TLK1: variants seen among roughly 807,000 people sequenced by gnomAD.
TLK1 encodes serine/threonine-protein kinase tousled-like 1.
In TLK1, 24 loss-of-function variants were observed where a neutral mutation model predicts 105.3. The observed-to-expected ratio is 0.23, with a 90% CI of 0.17 to 0.32. The LOEUF is 0.32. Ranked by LOEUF, TLK1 falls within the 10% of genes least tolerant of loss-of-function variation. The pLI, the probability that TLK1 is intolerant of heterozygous loss-of-function variation, is 1.00. For synonymous variants in TLK1, 321 were observed against 310.4 expected, an observed-to-expected ratio of 1.03 and a Z score of -0.36; for missense variants, 558 against 910.5, an observed-to-expected ratio of 0.61 and a Z score of 4.98.
chr2:171,046,109 C>T, intron 11 of TLK1, 65 bp downstream of exon 11: 2 of 1,287,716 alleles, frequency 1.6e-6, no homozygotes, highest in East Asian at 2.5e-5. Flanking sequence ...AAATAACATC[C>T]ATTAGTAACA....
chr2:171,090,692 T>G (rs751297934), intron 2 of TLK1, among the ~76,000 whole-genome samples: 6 of 152,222 alleles, frequency 3.9e-5, no homozygotes, highest in Admixed American at 2.0e-4. Context: ...TATTTCCCCA[T>G]AGATAAGCAC....
At chr2:171,090,150 G>A (rs1442145875) in intron 2 of TLK1, among the ~76,000 whole-genome samples, 1 of 152,018 alleles carries the variant, frequency 6.6e-6, no homozygotes, top group African/African-American at 2.4e-5. Context: ...CAGTGAAGAT[G>A]TCTTGAGTAT....
intron 10 of TLK1, among the ~76,000 whole-genome samples, chr2:171,048,537 G>A (rs1687068127): frequency 1.3e-5 from 1 of 76,468 alleles, no homozygotes; most frequent in Non-Finnish European, 3.2e-5. Flanking sequence ...ATTACCATCA[G>A]TTATTATTCT....
chr2:171,056,378 A>T, intron 6 of TLK1, 93 bp downstream of exon 6: 1 of 906,820 alleles, frequency 1.1e-6, no homozygotes, highest in Non-Finnish European at 1.7e-6. Context: ...ATTTATATAG[A>T]AGTTCTCAAT....
chr2:171,081,311 C>T (rs1688742725), intron 3 of TLK1, among the ~76,000 whole-genome samples: 3 of 152,200 alleles, frequency 2.0e-5, no homozygotes, highest in South Asian at 4.1e-4. Flanking sequence ...ATCTAACTTT[C>T]ACCATGTTTT....
intron 12 of TLK1, among the ~76,000 whole-genome samples, chr2:171,027,232 T>C (rs1250838936): frequency 6.6e-6 from 1 of 152,132 alleles, no homozygotes; most frequent in Non-Finnish European, 1.5e-5. Context: ...CTCCAATTAG[T>C]TCACTCCTTC....
intron 1 of TLK1, among the ~76,000 whole-genome samples, chr2:171,149,687 GT>G (rs1314050107): frequency 1.3e-5 from 2 of 152,150 alleles, no homozygotes; most frequent in Non-Finnish European, 2.9e-5. Flanking sequence ...AGGAGGACTG[GT>G]TGAGCCCAGG....
At chr2:171,218,634 G>T (rs375546404) in intron 1 of TLK1, among the ~76,000 whole-genome samples, 1 of 152,194 alleles carries the variant, frequency 6.6e-6, no homozygotes, top group East Asian at 1.9e-4. Flanking sequence ...TGTCTGGCAA[G>T]GGCTGCTCTC....
At chr2:171,075,414 T>C (rs923464512) in intron 3 of TLK1, among the ~76,000 whole-genome samples, 2 of 152,110 alleles carry the variant, frequency 1.3e-5, no homozygotes, top group Non-Finnish European at 2.9e-5. Context: ...CCATGAAAAA[T>C]GGTGGAAAAC....
intron 1 of TLK1, among the ~76,000 whole-genome samples, chr2:171,150,948 G>C (rs1396885536): frequency 2.6e-5 from 4 of 152,070 alleles, no homozygotes; most frequent in East Asian, 1.9e-4. Flanking sequence ...ACAGAATAGT[G>C]TAACTGTTAA....
chr2:170,996,626 C>T, intron 20 of TLK1, 27 bp downstream of exon 20: 9 of 1,585,876 alleles, frequency 5.7e-6, no homozygotes, highest in Non-Finnish European at 6.9e-6. Context: ...AGTTACTTCA[C>T]AAAACTCATT....
intron 6 of TLK1, among the ~76,000 whole-genome samples, chr2:171,056,057 T>C (rs562504722): frequency 7.9e-5 from 12 of 152,176 alleles, no homozygotes; most frequent in Admixed American, 2.0e-4. Context: ...CTGAACTACA[T>C]ACCCTGCCTT....
Position 170,992,393 on chromosome 2 carries a change from A to G in TLK1, c.*1387T>C, listed in dbSNP as rs1389825670. The G allele has an allele frequency of 1.3e-5, 2 of 152,574 alleles. No homozygotes were observed. Among genetic ancestry groups the G allele is most frequent in the Non-Finnish European group, 2.9e-5 (2 of 68,004 alleles). The allele number at this position is 152,574 out of a possible 1,614,324, so 9.5% of individuals were successfully genotyped here. ...GTATCAGCATTATGAATGTGACAAT[A>G]AAGAAAAAGTCCTTACAGGAGTGAA... On this transcript the variant is annotated 3_prime_UTR_variant, in exon 21 of 21. Transcript: ENST00000431350.
At chr2:171,156,195 C>T (rs542571962) in intron 1 of TLK1, among the ~76,000 whole-genome samples, 1 of 152,334 alleles carries the variant, frequency 6.6e-6, no homozygotes, top group South Asian at 2.1e-4. Flanking sequence ...ATTCTCTTCA[C>T]ATATCTCAAC....
intron 1 of TLK1, among the ~76,000 whole-genome samples, chr2:171,122,456 C>T (rs1423290666): frequency 1.3e-5 from 2 of 152,030 alleles, no homozygotes; most frequent in Admixed American, 6.6e-5. Context: ...CTCCACAAAC[C>T]GACCACACCA....
intron 1 of TLK1, among the ~76,000 whole-genome samples, chr2:171,134,625 T>C (rs1333584608): frequency 6.6e-6 from 1 of 151,378 alleles, no homozygotes; most frequent in Non-Finnish European, 1.5e-5. Flanking sequence ...TGCAGCACTA[T>C]TCACAATAGC....
At chr2:171,217,847 G>C (rs1693742090) in intron 1 of TLK1, among the ~76,000 whole-genome samples, 1 of 152,208 alleles carries the variant, frequency 6.6e-6, no homozygotes. Flanking sequence ...AAAATTGTTT[G>C]TGTACATTTA....
intron 3 of TLK1, among the ~76,000 whole-genome samples, chr2:171,065,277 G>C (rs1687934588): frequency 6.6e-6 from 1 of 152,144 alleles, no homozygotes; most frequent in Non-Finnish European, 1.5e-5. Context: ...GGATATTAAA[G>C]TTTGTTCTTC....
chr2:171,002,215 G>C (rs1322808522), intron 18 of TLK1, among the ~76,000 whole-genome samples: 1 of 152,040 alleles, frequency 6.6e-6, no homozygotes, highest in Non-Finnish European at 1.5e-5. Context: ...TCCAGCTTTA[G>C]ATCCTTCACC....
Sources: allele counts gnomAD v4.1 joint callset (sites outside exome capture counted in the v4.1 genomes callset), GRCh38; gene constraint gnomAD v4.1.1; transcripts MANE v1.5; gene names NCBI Gene and HGNC (gene_info 2026-07-23, HGNC 2026-07-21).